Variants in PIBF1 observed in about 807,000 individuals in gnomAD.
PIBF1 encodes progesterone immunomodulatory binding factor 1.
In PIBF1, 90 loss-of-function variants were observed where a neutral mutation model predicts 112.5. The ratio of observed to expected loss-of-function variants is 0.80; its 90% CI spans 0.67 to 0.95. The LOEUF (loss-of-function observed/expected upper bound fraction) is 0.95. PIBF1 is among the 40% of genes least tolerant of loss of function. The probability of loss-of-function intolerance (pLI) is 0.00; values close to 1 mark genes in which losing one functional copy is unlikely to be tolerated. For synonymous variants in PIBF1, 301 were observed against 288.6 expected, an observed-to-expected ratio of 1.04 and a Z score of -0.44; for missense variants, 915 against 852.3, an observed-to-expected ratio of 1.07 and a Z score of -0.92.
chr13:72,803,908 G>C (rs962531055), intron 5 of PIBF1, among the ~76,000 whole-genome samples: 2 of 152,176 alleles, frequency 1.3e-5, no homozygotes, highest in African/African-American at 4.8e-5. Flanking sequence ...CCTAATTTAT[G>C]AAAGTGCTAA....
At chr13:72,792,767 A>G (rs561309779) in intron 3 of PIBF1, among the ~76,000 whole-genome samples, 5 of 152,218 alleles carry the variant, frequency 3.3e-5, no homozygotes, top group Non-Finnish European at 5.9e-5. Context: ...AACATTGGTC[A>G]GTGTAAACCA....
intron 5 of PIBF1, among the ~76,000 whole-genome samples, chr13:72,817,179 C>G (rs1389518185): frequency 6.6e-6 from 1 of 152,170 alleles, no homozygotes; most frequent in East Asian, 1.9e-4. Flanking sequence ...TAGTTGTCCT[C>G]CACACAGACA....
chr13:72,831,898 C>CT (rs2138186211), intron 8 of PIBF1, among the ~76,000 whole-genome samples: 1 of 152,210 alleles, frequency 6.6e-6, no homozygotes, highest in Admixed American at 6.5e-5. Context: ...TTGTAGGTCT[C>CT]TAAGAACTTC....
Position 72,832,711 on chromosome 13 carries a change from T to C in PIBF1, c.1098-2532T>C, listed in dbSNP as rs547592555. On this transcript the variant is annotated intron_variant, in intron 8 of 17. Transcript: ENST00000326291. ...CTGGCTGCCCTTAAGATTTTTTCCT[T>C]CATTTCAACCTTGGCGAATCTGACA... Among the ~76,000 whole-genome samples, 14 of 152,286 alleles carry C rather than the reference T, an allele frequency of 9.2e-5. No homozygotes were observed. In the South Asian group the frequency reaches 2.3e-3, roughly 25 times the overall value.
At chr13:72,902,237 A>C (rs982852896) in intron 11 of PIBF1, among the ~76,000 whole-genome samples, 1 of 152,158 alleles carries the variant, frequency 6.6e-6, no homozygotes, top group African/African-American at 2.4e-5. Flanking sequence ...CTTGGGGGGA[A>C]GAGTGGAACA....
At chr13:72,834,804 T>A (rs1477988938) in intron 8 of PIBF1, among the ~76,000 whole-genome samples, 1 of 152,208 alleles carries the variant, frequency 6.6e-6, no homozygotes. Flanking sequence ...GTTGTCATGC[T>A]TGGAAGCAAA....
At chr13:72,977,336 CT>C (rs2043048487) in intron 16 of PIBF1, among the ~76,000 whole-genome samples, 1 of 152,174 alleles carries the variant, frequency 6.6e-6, no homozygotes, top group African/African-American at 2.4e-5. Context: ...CCCCAAGTAG[CT>C]GGGATTAACA....
chr13:72,892,484 T>C (rs1026296057), intron 10 of PIBF1, among the ~76,000 whole-genome samples: 4 of 152,054 alleles, frequency 2.6e-5, no homozygotes, highest in Admixed American at 6.6e-5. Context: ...ATTTTAAAGT[T>C]TATCTTACCT....
At chr13:72,803,591 T>C (rs896333247) in intron 5 of PIBF1, among the ~76,000 whole-genome samples, 2 of 152,224 alleles carry the variant, frequency 1.3e-5, no homozygotes, top group African/African-American at 4.8e-5. Context: ...TTTCTTAATA[T>C]CTAAATAGTG....
chr13:72,915,033 A>G (rs1288378432), intron 12 of PIBF1, among the ~76,000 whole-genome samples: 6 of 152,220 alleles, frequency 3.9e-5, no homozygotes. Flanking sequence ...AAAATAATAC[A>G]TTTTTAAAAA....
intron 10 of PIBF1, among the ~76,000 whole-genome samples, chr13:72,886,476 T>C (rs774991671): frequency 2.0e-5 from 3 of 151,954 alleles, no homozygotes; most frequent in Non-Finnish European, 4.4e-5. Context: ...ATAAAATGTT[T>C]CACTCTAATT....
chr13:73,013,335 TAGA>T (rs1418628498), intron 17 of PIBF1, among the ~76,000 whole-genome samples: 1 of 136,494 alleles, frequency 7.3e-6, no homozygotes, highest in East Asian at 2.1e-4. Flanking sequence ...AAGAAAATAT[TAGA>T]AGGAGATGGA....
intron 13 of PIBF1, among the ~76,000 whole-genome samples, chr13:72,926,990 G>A (rs539887106): frequency 3.9e-5 from 6 of 152,008 alleles, no homozygotes; most frequent in Non-Finnish European, 8.8e-5. Flanking sequence ...ATGAATTAAT[G>A]AGTGTGTTTC....
intron 5 of PIBF1, among the ~76,000 whole-genome samples, chr13:72,806,520 C>T (rs903697256): frequency 1.3e-5 from 2 of 152,100 alleles, no homozygotes; most frequent in African/African-American, 2.4e-5. Flanking sequence ...CTATCCCTCC[C>T]CTAGTCCCCC....
intron 14 of PIBF1, among the ~76,000 whole-genome samples, chr13:72,961,049 AT>A (rs199632770): frequency 2.5e-4 from 35 of 137,950 alleles, no homozygotes; most frequent in Non-Finnish European, 3.7e-4. Flanking sequence ...TTTTTTTTTA[AT>A]TTTTTTTTGA....
In PIBF1 at chr13:72,986,564, G is replaced by C. The variant is rs560995482; in HGVS notation, c.2050-12258G>C. On this transcript the variant is annotated intron_variant, in intron 16 of 17. Coordinates refer to ENST00000326291, the MANE Select transcript of PIBF1 (RefSeq NM_006346.4). ...GTTTCAGGTGATTAGTTATGTCCCGGAGGCTGTAACAGCCCAATTGTCTCT... is the reference window on the plus strand; with the variant it reads ...GTTTCAGGTGATTAGTTATGTCCCGCAGGCTGTAACAGCCCAATTGTCTCT... 1.9e-4 allele frequency among the ~76,000 whole-genome samples: 29 copies of C among 152,146 alleles called. No homozygotes were observed. In the South Asian group the frequency reaches 5.4e-3, roughly 28 times the overall value.
rs537276775 is a variant in PIBF1, at chr13:72,905,942, C to T, written c.1489-2589C>T. 1.8e-3 allele frequency among the ~76,000 whole-genome samples: 268 copies of T among 152,266 alleles called. 12 individuals are homozygous for T. In the South Asian group the frequency reaches 0.053, roughly 30 times the overall value. On this transcript the variant is annotated intron_variant, in intron 11 of 17. Transcript: ENST00000326291. ...CTATTAAACTGAAGCCTTGAGAAAGCAGAGAGATTATTCATTTATCATTGT... is the reference window on the plus strand; with the variant it reads ...CTATTAAACTGAAGCCTTGAGAAAGTAGAGAGATTATTCATTTATCATTGT...
chr13:72,835,972 G>A (rs1266678122), intron 9 of PIBF1: 12 of 307,758 alleles, frequency 3.9e-5, no homozygotes, highest in African/African-American at 6.8e-5. Context: ...GGTGGCGGGC[G>A]CCTGTAATCC....
At chr13:72,926,272 A>G (rs1001036401) in intron 13 of PIBF1, among the ~76,000 whole-genome samples, 5 of 152,224 alleles carry the variant, frequency 3.3e-5, no homozygotes, top group African/African-American at 1.2e-4. Context: ...ACACTCAGCA[A>G]TATATGCATA....
Sources: allele counts gnomAD v4.1 joint callset (sites outside exome capture counted in the v4.1 genomes callset), GRCh38; gene constraint gnomAD v4.1.1; transcripts MANE v1.5; gene names NCBI Gene and HGNC (gene_info 2026-07-23, HGNC 2026-07-21).